FAM163A: variants seen among roughly 807,000 people sequenced by gnomAD.
FAM163A encodes protein FAM163A.
Under a neutral mutation model 12.0 loss-of-function variants are expected in FAM163A, and 7 were observed. The observed-to-expected ratio is 0.58, with a 90% CI of 0.33 to 1.10. FAM163A has a LOEUF of 1.10. Ranked by LOEUF, FAM163A falls within the 50% of genes least tolerant of loss-of-function variation. FAM163A has a pLI of 0.03. For missense variants in FAM163A, 202 were observed against 218.6 expected (o/e 0.92, Z 0.48); for synonymous variants, 101 against 91.0 (o/e 1.11, Z -0.62).
At chr1:179,753,692 T>G (rs2504048) in intron 1 of FAM163A, among the ~76,000 whole-genome samples, 41,753 of 151,810 alleles carry the variant, frequency 0.28, 5,955 homozygotes, top group South Asian at 0.42. Context: ...AATGTTACCA[T>G]CTGATGAAAA....
chr1:179,744,672 T>C (rs1684194856), intron 1 of FAM163A, among the ~76,000 whole-genome samples: 1 of 152,040 alleles, frequency 6.6e-6, no homozygotes, highest in African/African-American at 2.4e-5. Flanking sequence ...GACGCAGTCA[T>C]CCAACCTGCA....
chr1:179,792,315 G>GTT (rs1691626356), intron 1 of FAM163A, among the ~76,000 whole-genome samples: 2 of 151,528 alleles, frequency 1.3e-5, no homozygotes, highest in South Asian at 4.2e-4. Context: ...GTGTGTGTGT[G>GTT]TGTGTGTGTG....
chr1:179,786,681 T>TC (rs1289097606), intron 1 of FAM163A, among the ~76,000 whole-genome samples: 3 of 152,346 alleles, frequency 2.0e-5, no homozygotes, highest in Admixed American at 1.3e-4. Context: ...AATGAAAGTA[T>TC]CAAGGTTCAG....
intron 1 of FAM163A, among the ~76,000 whole-genome samples, chr1:179,780,673 T>C (rs1689597947): frequency 6.6e-6 from 1 of 152,214 alleles, no homozygotes; most frequent in African/African-American, 2.4e-5. Context: ...TCCAGGTGAT[T>C]TTGATACTTG....
At chr1:179,754,385 C>T (rs1557897338) in intron 1 of FAM163A, among the ~76,000 whole-genome samples, 1 of 152,072 alleles carries the variant, frequency 6.6e-6, no homozygotes, top group Non-Finnish European at 1.5e-5. Flanking sequence ...ACCAGGCCTG[C>T]ACCCGGGACT....
intron 1 of FAM163A, among the ~76,000 whole-genome samples, chr1:179,798,869 T>G (rs1488120783): frequency 6.6e-6 from 1 of 152,196 alleles, no homozygotes; most frequent in Non-Finnish European, 1.5e-5. Context: ...TTTGGTATAA[T>G]TTAATCAACC....
At chr1:179,731,348 C>T in the FAM163A span, among the ~76,000 whole-genome samples, 1 of 152,140 alleles carries the variant, frequency 6.6e-6, no homozygotes. Flanking sequence ...AGTGAAGTAG[C>T]TGTAAATGGC....
chr1:179,814,086 C>A lies in FAM163A; in HGVS notation c.401C>A (p.Pro134His), dbSNP rs761331691. Residue 134 changes from proline (P) to histidine (H), a missense_variant, in exon 5 of 5, where the codon CCC becomes CAC. By Grantham distance (77) the Pro-to-His change is moderately conservative. Transcript: ENST00000341785. ...CCCACATACTACAAAGAGGGGGGAC[C>A]CCCATCCCTCAAATTGGCAGCACCC... is the stretch of plus-strand genomic sequence containing the variant. ...FAPTYYKEGG[P>H]PSLKLAAPQS... 1.5e-5 allele frequency: 24 copies of A among 1,614,054 alleles called. No homozygotes were observed. The East Asian group carries it at 5.1e-4, about 34-fold the overall frequency.
chr1:179,799,969 G>T (rs1692928099), intron 1 of FAM163A, among the ~76,000 whole-genome samples: 1 of 152,242 alleles, frequency 6.6e-6, no homozygotes, highest in Middle Eastern at 3.2e-3. Context: ...GGTGCTGTGT[G>T]ACACTCTGCA....
the FAM163A span, among the ~76,000 whole-genome samples, chr1:179,729,820 TA>T: frequency 6.6e-6 from 1 of 152,340 alleles, no homozygotes; most frequent in Non-Finnish European, 1.5e-5. Context: ...GTATTTTTTT[TA>T]AACTTCTGTT....
chr1:179,738,495 A>G (rs1306225694), upstream of FAM163A, among the ~76,000 whole-genome samples: 5 of 152,218 alleles, frequency 3.3e-5, no homozygotes, highest in African/African-American at 4.8e-5. Flanking sequence ...GAATTTAGCA[A>G]TATGTGAAAA....
intron 1 of FAM163A, among the ~76,000 whole-genome samples, chr1:179,785,412 G>C (rs1423478656): frequency 6.6e-6 from 1 of 152,212 alleles, no homozygotes; most frequent in Non-Finnish European, 1.5e-5. Context: ...GAGAGAACAT[G>C]AAGACGGAGA....
intron 1 of FAM163A, among the ~76,000 whole-genome samples, chr1:179,747,676 T>A (rs987989737): frequency 1.3e-5 from 2 of 152,186 alleles, no homozygotes; most frequent in African/African-American, 4.8e-5. Flanking sequence ...TTCCATTCTC[T>A]ACGCAGTAAG....
intron 1 of FAM163A, among the ~76,000 whole-genome samples, chr1:179,786,520 G>A (rs559761677): frequency 2.6e-5 from 4 of 152,348 alleles, no homozygotes; most frequent in African/African-American, 4.8e-5. Context: ...GCCCAGCAGC[G>A]AAGAGGGTTC....
At chr1:179,789,185 T>G (rs1422132121) in intron 1 of FAM163A, among the ~76,000 whole-genome samples, 5 of 151,852 alleles carry the variant, frequency 3.3e-5, no homozygotes, top group African/African-American at 1.2e-4. Context: ...GAGACTAGAT[T>G]TTTTTTTCTT....
chr1:179,798,416 T>G (rs1692682532), intron 1 of FAM163A, among the ~76,000 whole-genome samples: 1 of 152,176 alleles, frequency 6.6e-6, no homozygotes, highest in South Asian at 2.1e-4. Context: ...TCCTCTTGTT[T>G]CAGGAGCTGC....
chr1:179,746,597 A>T (rs1684496789), intron 1 of FAM163A, among the ~76,000 whole-genome samples: 1 of 152,202 alleles, frequency 6.6e-6, no homozygotes, highest in South Asian at 2.1e-4. Context: ...CACAAAACCT[A>T]ATCATACCTG....
At position 179,814,235 on chromosome 1, in the gene FAM163A, C is replaced by CA. The variant is rs1170707677; in HGVS notation, c.*46_*47insA. The CA allele has an allele frequency of 2.6e-6, 4 of 1,546,762 alleles. No individual in the cohort carries two copies. In the Admixed American group the frequency reaches 7.7e-5, roughly 30 times the overall value. ...ACACACACCCACACTGCTGCCCTGG[C>CA]GGGGGCCATGGGGGTGATGAATGAC... On this transcript the variant is annotated 3_prime_UTR_variant, in exon 5 of 5. Transcript: ENST00000341785.
intron 1 of FAM163A, among the ~76,000 whole-genome samples, chr1:179,778,244 C>A (rs116077074): frequency 0.012 from 1,773 of 152,216 alleles, 35 homozygotes; most frequent in African/African-American, 0.041. Flanking sequence ...GGTAAGATCA[C>A]GAGGAGGCCA....
Sources: gnomAD v4.1 joint callset for allele counts (sites outside exome capture counted in the v4.1 genomes callset) on GRCh38, gnomAD v4.1.1 for gene constraint, MANE v1.5 for transcripts, NCBI Gene and HGNC (gene_info 2026-07-23, HGNC 2026-07-21) for gene names.